The following BLM variants were observed in gnomAD, a reference collection of about 807,000 sequenced individuals.
BLM encodes recQ-like DNA helicase BLM.
BLM carries 95 observed loss-of-function variants against 135.3 expected under a neutral mutation model. That is an observed-to-expected ratio of 0.70 (90% CI 0.59 to 0.83). The LOEUF is 0.83. Among genes scored for constraint, BLM ranks in the 40% least tolerant of loss-of-function variants. The pLI is 0.00. For missense variants in BLM, 1,518 were observed against 1,663.9 expected, an observed-to-expected ratio of 0.91 and a Z score of 1.53; for synonymous variants, 520 against 589.2, an observed-to-expected ratio of 0.88 and a Z score of 1.70.
chr15:90,761,262 T>A lies in BLM; in HGVS notation c.1882+7T>A. The A allele has an allele frequency of 6.7e-7, 1 of 1,491,956 alleles. No homozygotes were observed. The highest frequency in any genetic ancestry group is 1.8e-4 in the Middle Eastern group (1 of 5,608). The allele number at this position is 1,491,956 out of a possible 1,614,324, so 92.4% of individuals were successfully genotyped here. The stretch of plus-strand genomic sequence containing the variant: ...TCAATTCAGAATTATACTGGTAAGT[T>A]TAAAATAAATTGAATGCTTATATGA... On this transcript the variant is annotated splice_region_variant and intron_variant, in intron 7 of 21. Transcript: ENST00000355112.
intron 16 of BLM, among the ~76,000 whole-genome samples, chr15:90,797,721 T>C (rs1897063843): frequency 6.6e-6 from 1 of 151,996 alleles, no homozygotes. Flanking sequence ...CTCTAAAAAG[T>C]GGGCAAAGTT....
intron 19 of BLM, among the ~76,000 whole-genome samples, chr15:90,805,276 T>C (rs1242994969): frequency 6.6e-6 from 1 of 151,832 alleles, no homozygotes; most frequent in Non-Finnish European, 1.5e-5. Flanking sequence ...TTATATATGG[T>C]ATAATTTTAA....
intron 21 of BLM, among the ~76,000 whole-genome samples, chr15:90,814,846 C>T (rs941024696): frequency 1.3e-5 from 2 of 152,104 alleles, no homozygotes; most frequent in African/African-American, 4.8e-5. Context: ...GGGTTGGTCA[C>T]AAGTCAGAAA....
chr15:90,814,187 C>T (rs1897495058), intron 21 of BLM, among the ~76,000 whole-genome samples: 1 of 152,206 alleles, frequency 6.6e-6, no homozygotes, highest in Non-Finnish European at 1.5e-5. Context: ...GGCTGTGGCC[C>T]TATACCCTCA....
At chr15:90,814,167 A>G (rs1186114833) in intron 21 of BLM, among the ~76,000 whole-genome samples, 1 of 152,132 alleles carries the variant, frequency 6.6e-6, no homozygotes, top group Non-Finnish European at 1.5e-5. Context: ...TCAGAATGTC[A>G]TTACCCACAG....
intron 12 of BLM, among the ~76,000 whole-genome samples, chr15:90,777,580 G>T (rs959844554): frequency 1.3e-5 from 2 of 151,990 alleles, no homozygotes; most frequent in African/African-American, 4.8e-5. Context: ...ACATGAGTTT[G>T]ACACCCCAAA....
chr15:90,750,931 G>C (rs148557653), intron 3 of BLM, among the ~76,000 whole-genome samples: 2 of 152,180 alleles, frequency 1.3e-5, no homozygotes, highest in African/African-American at 4.8e-5. Flanking sequence ...GGTTGCTGCC[G>C]TAAGATCCAT....
intron 12 of BLM, among the ~76,000 whole-genome samples, chr15:90,778,013 C>T (rs1382695592): frequency 6.6e-6 from 1 of 152,220 alleles, no homozygotes; most frequent in Non-Finnish European, 1.5e-5. Context: ...TTGATGGGAA[C>T]TGTCTGTAAC....
rs546163008 is a variant in BLM, at chr15:90,811,404, G to A, written c.4074G>A (p.Lys1358=). 1.2e-6 allele frequency: 2 copies of A among 1,614,068 alleles called. No homozygotes were observed. The highest frequency in any genetic ancestry group is 2.2e-5 in the East Asian group (1 of 44,886). The change falls in exon 21 of 22, where the codon AAG becomes AAA. Residue 1358 remains lysine (K), a splice_region_variant and synonymous_variant. Transcript: ENST00000355112. ...RKTASSGSKA[K]GGSATCRKIS... Reference sequence around the variant, plus strand: ...CTGCTTCCAGTGGTTCCAAGGCAAAGGGGTATGTTTTGTGACATCTTTTTC... The same window carrying A: ...CTGCTTCCAGTGGTTCCAAGGCAAAAGGGTATGTTTTGTGACATCTTTTTC...
chr15:90,793,623 A>C (rs139928715), intron 15 of BLM, among the ~76,000 whole-genome samples: 340 of 152,324 alleles, frequency 2.2e-3, no homozygotes, highest in African/African-American at 6.7e-3. Flanking sequence ...TGCTAATAGG[A>C]ATGTAGCACA....
chr15:90,775,046 A>C (rs1190080664), intron 12 of BLM, among the ~76,000 whole-genome samples: 1 of 152,092 alleles, frequency 6.6e-6, no homozygotes, highest in African/African-American at 2.4e-5. Flanking sequence ...AATAGAGGAG[A>C]GGATGAGTGA....
At chr15:90,806,808 C>A (rs537330197) in intron 19 of BLM, among the ~76,000 whole-genome samples, 1 of 152,116 alleles carries the variant, frequency 6.6e-6, no homozygotes, top group Admixed American at 6.6e-5. Flanking sequence ...CTACGATAAT[C>A]GGTCATTACA....
chr15:90,752,900 C>G (rs1895725818), intron 4 of BLM, among the ~76,000 whole-genome samples: 1 of 152,162 alleles, frequency 6.6e-6, no homozygotes, highest in South Asian at 2.1e-4. Context: ...CAGGGAGGAG[C>G]AAGGAATTGC....
intron 1 of BLM, among the ~76,000 whole-genome samples, chr15:90,742,366 GAAACAGAAACATCT>G (rs1895386986): frequency 6.6e-6 from 1 of 152,080 alleles, no homozygotes; most frequent in African/African-American, 2.4e-5. Flanking sequence ...CAGAAGACTG[GAAACAGAAACATCT>G]AAATGTTACT....
At chr15:90,807,761 A>G (rs1223461685) in intron 19 of BLM, among the ~76,000 whole-genome samples, 1 of 152,190 alleles carries the variant, frequency 6.6e-6, no homozygotes, top group East Asian at 1.9e-4. Flanking sequence ...ACTTTTCTGC[A>G]TTCACAATCA....
chr15:90,782,878 C>G lies in BLM; in HGVS notation c.2612C>G (p.Pro871Arg). 1 of 1,613,942 alleles carries G rather than the reference C, an allele frequency of 6.2e-7. No individual in the cohort carries two copies. The highest frequency in any genetic ancestry group is 1.7e-4 in the Middle Eastern group (1 of 6,060). ...AAATACTATGTATTACCGAAAAAGC[C>G]TAAAAAGGTGGCATTTGATTGCCTA... The part of the protein sequence containing the change: ...NLKYYVLPKK[P>R]KKVAFDCLEW... Residue 871 changes from proline to arginine, a missense_variant, in exon 13 of 22, where the codon CCT (proline) becomes CGT (arginine). Transcript: ENST00000355112.
At chr15:90,771,346 G>A (rs972008384) in intron 12 of BLM, among the ~76,000 whole-genome samples, 2 of 152,058 alleles carry the variant, frequency 1.3e-5, no homozygotes, top group African/African-American at 4.8e-5. Flanking sequence ...AATTAGCCAG[G>A]CCTACTGGCG....
intron 1 of BLM, among the ~76,000 whole-genome samples, chr15:90,728,168 C>G (rs1377810221): frequency 2.0e-5 from 3 of 152,118 alleles, no homozygotes; most frequent in Non-Finnish European, 2.9e-5. Flanking sequence ...TCCTAAGTAG[C>G]TGGGACCATA....
intron 1 of BLM, among the ~76,000 whole-genome samples, chr15:90,739,989 T>A (rs1474324764): frequency 1.3e-5 from 2 of 152,190 alleles, no homozygotes. Context: ...GGTCTCCAAC[T>A]CCTGGGCTCA....
Sources: gnomAD v4.1 joint callset for allele counts (sites outside exome capture counted in the v4.1 genomes callset) on GRCh38, gnomAD v4.1.1 for gene constraint, MANE v1.5 for transcripts, NCBI Gene and HGNC (gene_info 2026-07-23, HGNC 2026-07-21) for gene names.